POU6F2: variants seen among roughly 807,000 people sequenced by gnomAD.
POU6F2 encodes POU class 6 homeobox 2.
POU6F2 carries 31 observed loss-of-function variants against 71.3 expected under a neutral mutation model. The observed-to-expected ratio is 0.43, with a 90% confidence interval of 0.33 to 0.59. POU6F2 has a LOEUF of 0.59. POU6F2 is among the 20% of genes least tolerant of loss of function. POU6F2 has a pLI of 0.04. For missense variants in POU6F2, 783 were observed against 856.8 expected, an observed-to-expected ratio of 0.91 and a Z score of 1.07; for synonymous variants, 347 against 355.7, an observed-to-expected ratio of 0.98 and a Z score of 0.27.
chr7:38,989,209 A>G (rs1439770459), intron 1 of POU6F2, among the ~76,000 whole-genome samples: 1 of 152,090 alleles, frequency 6.6e-6, no homozygotes, highest in African/African-American at 2.4e-5. Context: ...TCCGACTTCA[A>G]ATACAGTGTC....
At chr7:39,426,132 T>A (rs1787965693) in intron 6 of POU6F2, among the ~76,000 whole-genome samples, 1 of 152,152 alleles carries the variant, frequency 6.6e-6, no homozygotes, top group Admixed American at 6.5e-5. Flanking sequence ...ATGGTTCCCA[T>A]CCTGCTCCAG....
intron 2 of POU6F2, among the ~76,000 whole-genome samples, chr7:39,105,285 A>G (rs943094613): frequency 1.3e-5 from 2 of 152,174 alleles, no homozygotes; most frequent in Non-Finnish European, 2.9e-5. Flanking sequence ...TAGACATTCT[A>G]AAAAAGGATA....
At chr7:39,437,377 C>T (rs56222058) in intron 7 of POU6F2, among the ~76,000 whole-genome samples, 7,547 of 152,186 alleles carry the variant, frequency 0.05, 468 homozygotes, top group African/African-American at 0.14. Context: ...GGAATTTATT[C>T]ATTTCTTCTA....
chr7:39,228,296 A>G (rs1794509928), intron 4 of POU6F2, among the ~76,000 whole-genome samples: 1 of 152,154 alleles, frequency 6.6e-6, no homozygotes, highest in South Asian at 2.1e-4. Flanking sequence ...CTTTTTCCTG[A>G]GAGCTGGCTA....
intron 2 of POU6F2, among the ~76,000 whole-genome samples, chr7:39,133,347 G>T (rs1275199729): frequency 6.6e-6 from 1 of 152,190 alleles, no homozygotes; most frequent in East Asian, 1.9e-4. Context: ...TGAGTCAAAA[G>T]CACCAACATC....
chr7:39,440,548 T>C (rs1562553758), intron 7 of POU6F2, among the ~76,000 whole-genome samples: 1 of 152,222 alleles, frequency 6.6e-6, no homozygotes, highest in Non-Finnish European at 1.5e-5. Flanking sequence ...TCATTTATGT[T>C]CCTCTCTAAA....
Position 39,137,623 on chromosome 7 carries a change from G to T in POU6F2, c.277+51592G>T, listed in dbSNP as rs138732386. On this transcript the variant is annotated intron_variant, in intron 2 of 9. Transcript: ENST00000518318. ...AACTTTTCAAAAATTTTAATTGGTT[G>T]TCACAAAAAAGACAACATACAGAAA... 1.9e-3 allele frequency among the ~76,000 whole-genome samples: 296 copies of T among 152,248 alleles called. 1 individual carries two copies. Among genetic ancestry groups the T allele is most frequent in the African/African-American group, 7.0e-3 (289 of 41,552 alleles).
At chr7:39,359,887 A>G (rs1026649170) in intron 5 of POU6F2, among the ~76,000 whole-genome samples, 2 of 152,220 alleles carry the variant, frequency 1.3e-5, no homozygotes, top group African/African-American at 4.8e-5. Flanking sequence ...AGGTATTTGT[A>G]TAATTAAAGA....
intron 4 of POU6F2, among the ~76,000 whole-genome samples, chr7:39,264,815 T>C (rs768640723): frequency 6.6e-6 from 1 of 152,156 alleles, no homozygotes; most frequent in African/African-American, 2.4e-5. Context: ...TATACACATA[T>C]GTATGTGTGT....
chr7:39,258,789 C>A (rs1237777468), intron 4 of POU6F2, among the ~76,000 whole-genome samples: 1 of 151,850 alleles, frequency 6.6e-6, no homozygotes, highest in Non-Finnish European at 1.5e-5. Flanking sequence ...GGCAGAAAAT[C>A]ACAGTGGCAG....
In POU6F2 at chr7:39,252,399, GACACAC is replaced by G. The variant is rs55738894; in HGVS notation, c.598+44812_598+44817del. ...ACACACACATACAGACAGACAGACA[GACACAC>G]ACACACACACACACACACACACACA... On this transcript the variant is annotated intron_variant, in intron 4 of 9. Transcript: ENST00000518318. Among the ~76,000 whole-genome samples the G allele has an allele frequency of 6.8e-3, 979 of 144,244 alleles. 10 individuals carry two copies. The highest frequency in any genetic ancestry group is 0.018 in the African/African-American group (715 of 39,130). The allele number at this position is 144,244 out of a possible 152,430, so 94.6% of individuals were successfully genotyped here.
intron 5 of POU6F2, among the ~76,000 whole-genome samples, chr7:39,381,332 G>T (rs1786824046): frequency 6.6e-6 from 1 of 152,144 alleles, no homozygotes; most frequent in Non-Finnish European, 1.5e-5. Context: ...CTGCCTCCCG[G>T]GTTCAAGCTA....
intron 4 of POU6F2, among the ~76,000 whole-genome samples, chr7:39,277,418 T>C (rs764750432): frequency 7.2e-5 from 11 of 152,104 alleles, no homozygotes; most frequent in Non-Finnish European, 1.6e-4. Context: ...CTACTTTCTT[T>C]TGGAGTCCCC....
At chr7:39,232,319 A>G (rs894700080) in intron 4 of POU6F2, among the ~76,000 whole-genome samples, 1 of 142,062 alleles carries the variant, frequency 7.0e-6, no homozygotes, top group Non-Finnish European at 1.5e-5. Flanking sequence ...GGTTTTTAGG[A>G]AAAAAAAAAT....
At chr7:39,024,787 G>C (rs1185644528) in intron 1 of POU6F2, among the ~76,000 whole-genome samples, 1 of 152,028 alleles carries the variant, frequency 6.6e-6, no homozygotes, top group Non-Finnish European at 1.5e-5. Flanking sequence ...CTTTGGTTCT[G>C]TTTATATGCT....
chr7:39,194,173 C>T (rs1793727551), intron 2 of POU6F2, among the ~76,000 whole-genome samples: 1 of 152,168 alleles, frequency 6.6e-6, no homozygotes, highest in Non-Finnish European at 1.5e-5. Context: ...TCACATGAAA[C>T]ACATGAAACT....
At position 39,254,747 on chromosome 7, in the gene POU6F2, G is replaced by A. The variant is rs187920751; in HGVS notation, c.598+47127G>A. ...TGGTGTCTGTTGCAAAAGGTCTCTC[G>A]GTACCTAATTTCAAATTTTAGAGAG... On this transcript the variant is annotated intron_variant, in intron 4 of 9. Transcript: ENST00000518318. Among the ~76,000 whole-genome samples the A allele has an allele frequency of 5.0e-4, 76 of 152,076 alleles. 1 individual carries two copies. In the South Asian group the frequency reaches 6.9e-3, roughly 14 times the overall value.
intron 6 of POU6F2, among the ~76,000 whole-genome samples, chr7:39,420,939 T>C (rs1236702502): frequency 2.0e-5 from 3 of 152,176 alleles, no homozygotes; most frequent in African/African-American, 4.8e-5. Context: ...TTATTAGCAA[T>C]AAGAAATCAT....
At chr7:39,036,069 G>T (rs929971897) in intron 1 of POU6F2, among the ~76,000 whole-genome samples, 1 of 152,128 alleles carries the variant, frequency 6.6e-6, no homozygotes, top group African/African-American at 2.4e-5. Context: ...GGCGTGCTGA[G>T]AACAGGTGGA....
Sources: allele counts gnomAD v4.1 joint callset (sites outside exome capture counted in the v4.1 genomes callset), GRCh38; gene constraint gnomAD v4.1.1; transcripts MANE v1.5; gene names NCBI Gene and HGNC (gene_info 2026-07-23, HGNC 2026-07-21).